The following STPG2 variants were observed in gnomAD, a reference collection of about 807,000 sequenced individuals.
STPG2 encodes sperm tail PG-rich repeat containing 2.
A neutral mutation model predicts 54.2 loss-of-function variants in STPG2; 56 were observed. The observed-to-expected ratio is 1.03, with a 90% CI of 0.83 to 1.29. The LOEUF is 1.29. STPG2 is among the 50% of genes most tolerant of loss of function. The probability of loss-of-function intolerance (pLI) is 0.00; values close to 1 mark genes in which losing one functional copy is unlikely to be tolerated. For synonymous variants in STPG2, 200 were observed against 181.8 expected, an observed-to-expected ratio of 1.10 and a Z score of -0.81; for missense variants, 596 against 544.9, an observed-to-expected ratio of 1.09 and a Z score of -0.93.
At chr4:97,757,917 C>T (rs1332830986) in intron 9 of STPG2, among the ~76,000 whole-genome samples, 1 of 152,126 alleles carries the variant, frequency 6.6e-6, no homozygotes, top group Non-Finnish European at 1.5e-5. Context: ...TAGCCACCTA[C>T]AATGAATGAA....
chr4:97,954,471 C>T (rs1394522875), intron 7 of STPG2, among the ~76,000 whole-genome samples: 1 of 152,154 alleles, frequency 6.6e-6, no homozygotes. Context: ...TGGCCTATTT[C>T]TTGATCAAGG....
At chr4:97,619,256 T>C (rs1455770930) in intron 10 of STPG2, among the ~76,000 whole-genome samples, 1 of 151,930 alleles carries the variant, frequency 6.6e-6, no homozygotes, top group East Asian at 1.9e-4. Context: ...TGTGTGTGTA[T>C]ATCTATATGT....
At chr4:97,850,237 C>T (rs1729107738) in intron 8 of STPG2, among the ~76,000 whole-genome samples, 1 of 113,190 alleles carries the variant, frequency 8.8e-6, no homozygotes, top group African/African-American at 3.6e-5. Context: ...CACATGGACA[C>T]AGGAAGGGGA....
intron 3 of STPG2, among the ~76,000 whole-genome samples, chr4:98,126,862 C>T (rs1362738589): frequency 6.6e-6 from 1 of 151,944 alleles, no homozygotes; most frequent in Non-Finnish European, 1.5e-5. Context: ...TTAACACCTG[C>T]AGGATCTGAG....
At chr4:97,853,149 T>G (rs1729222604) in intron 8 of STPG2, among the ~76,000 whole-genome samples, 1 of 151,830 alleles carries the variant, frequency 6.6e-6, no homozygotes, top group African/African-American at 2.4e-5. Flanking sequence ...GCTAATTTTT[T>G]GTATTTTTTT....
intron 4 of STPG2, among the ~76,000 whole-genome samples, chr4:97,450,796 G>C (rs1305028599): frequency 6.6e-6 from 1 of 152,058 alleles, no homozygotes; most frequent in Non-Finnish European, 1.5e-5. Context: ...AAGTTTTTAA[G>C]ATATTATTGC....
At chr4:97,673,724 T>C (rs921189942) in intron 10 of STPG2, among the ~76,000 whole-genome samples, 3 of 152,066 alleles carry the variant, frequency 2.0e-5, no homozygotes. Flanking sequence ...ATGAAAAGAA[T>C]AAAAATTCAG....
chr4:97,937,672 T>G (rs1033071392), intron 8 of STPG2, among the ~76,000 whole-genome samples: 2 of 152,188 alleles, frequency 1.3e-5, no homozygotes, highest in African/African-American at 4.8e-5. Context: ...GAGGGTTCAC[T>G]TAAGGCTCTA....
chr4:97,618,198 A>G (rs538073516), intron 10 of STPG2, among the ~76,000 whole-genome samples: 46 of 152,266 alleles, frequency 3.0e-4, no homozygotes, highest in African/African-American at 1.0e-3. Context: ...GCTGTAAAAA[A>G]TCTACAGCTT....
intron 9 of STPG2, among the ~76,000 whole-genome samples, chr4:97,738,190 C>T (rs529382734): frequency 1.3e-5 from 2 of 152,148 alleles, no homozygotes; most frequent in East Asian, 3.9e-4. Flanking sequence ...CAGGCCTGCC[C>T]GAAAAGAGCT....
At chr4:97,677,175 C>A (rs891609060) in intron 10 of STPG2, among the ~76,000 whole-genome samples, 2 of 152,046 alleles carry the variant, frequency 1.3e-5, no homozygotes, top group African/African-American at 4.8e-5. Context: ...TGCTCATAAA[C>A]CATAAAATGT....
intron 4 of STPG2, among the ~76,000 whole-genome samples, chr4:97,478,873 A>ATG (rs35662485): frequency 0.024 from 3,160 of 134,000 alleles, 42 homozygotes; most frequent in East Asian, 0.051. Context: ...CAAGCCAAAT[A>ATG]TGTGTGTGTG....
intron 4 of STPG2, among the ~76,000 whole-genome samples, chr4:97,512,139 T>C (rs769571681): frequency 3.3e-5 from 5 of 152,052 alleles, no homozygotes; most frequent in Non-Finnish European, 7.4e-5. Flanking sequence ...AGTTTGAACA[T>C]TGAATTAGAA....
intron 9 of STPG2, among the ~76,000 whole-genome samples, chr4:97,827,682 T>C (rs1014931445): frequency 1.5e-4 from 23 of 152,336 alleles, no homozygotes; most frequent in African/African-American, 5.0e-4. Flanking sequence ...ATAAGTGCAA[T>C]AAGAATATTT....
chr4:97,568,224 T>G (rs1030328139), intron 10 of STPG2, among the ~76,000 whole-genome samples: 2 of 152,208 alleles, frequency 1.3e-5, no homozygotes, highest in African/African-American at 4.8e-5. Flanking sequence ...CTCGTCTTAG[T>G]AGGTTGTTTT....
At chr4:97,877,293 C>CA (rs1247836518) in intron 8 of STPG2, among the ~76,000 whole-genome samples, 1 of 152,060 alleles carries the variant, frequency 6.6e-6, no homozygotes, top group Non-Finnish European at 1.5e-5. Flanking sequence ...ACAAGGAACT[C>CA]AAACAACTCA....
intron 10 of STPG2, among the ~76,000 whole-genome samples, chr4:97,684,646 A>C (rs975570256): frequency 6.6e-5 from 10 of 152,020 alleles, no homozygotes; most frequent in Non-Finnish European, 1.2e-4. Flanking sequence ...CAACGTTTAA[A>C]TAATAATATA....
chr4:97,452,209 C>T (rs1410091212), intron 4 of STPG2, among the ~76,000 whole-genome samples: 1 of 149,916 alleles, frequency 6.7e-6, no homozygotes, highest in African/African-American at 2.5e-5. Context: ...CACCTGGGGG[C>T]CCAGGAAGGC....
intron 10 of STPG2, among the ~76,000 whole-genome samples, chr4:97,673,182 A>G (rs1722748085): frequency 6.6e-6 from 1 of 152,214 alleles, no homozygotes; most frequent in African/African-American, 2.4e-5. Context: ...AATGTCAGTG[A>G]TTTTACAATG....
Sources: gnomAD v4.1 joint callset for allele counts (sites outside exome capture counted in the v4.1 genomes callset) on GRCh38, gnomAD v4.1.1 for gene constraint, MANE v1.5 for transcripts, NCBI Gene and HGNC (gene_info 2026-07-23, HGNC 2026-07-21) for gene names.